The following DNMT3B variants were observed in gnomAD, a reference collection of about 807,000 sequenced individuals.
The protein encoded by DNMT3B is DNA methyltransferase 3 beta.
A neutral mutation model predicts 120.2 loss-of-function variants in DNMT3B; 37 were observed. That is an observed-to-expected ratio of 0.31 (90% CI 0.24 to 0.40). The LOEUF is 0.40. Ranked by LOEUF, DNMT3B falls within the 10% of genes least tolerant of loss-of-function variation. DNMT3B has a pLI of 1.00. For synonymous variants in DNMT3B, 412 were observed against 442.8 expected, an observed-to-expected ratio of 0.93 and a Z score of 0.87; for missense variants, 878 against 1,137.3, an observed-to-expected ratio of 0.77 and a Z score of 3.28.
At chr20:32,801,114 CCTG>C (rs773217935) in intron 18 of DNMT3B, among the ~76,000 whole-genome samples, 161 bp from the exon 19 acceptor site, 4 of 152,168 alleles carry the variant, frequency 2.6e-5, no homozygotes, top group Non-Finnish European at 5.9e-5. Flanking sequence ...TAAATAGTGC[CCTG>C]CTGCTGCCTG....
Position 32,809,247 on chromosome 20 carries a change from T to C in DNMT3B, c.*1344T>C, listed in dbSNP as rs1334779905. On this transcript the variant is annotated 3_prime_UTR_variant, in exon 23 of 23. Transcript: ENST00000328111. The stretch of plus-strand genomic sequence containing the variant: ...GTAACTGGAGCCACGACGTAACAAA[T>C]ATGGGGAAAAAACTGTGCCTTGTTT... The C allele has an allele frequency of 4.6e-6, 1 of 219,310 alleles. No individual in the cohort carries two copies. Among genetic ancestry groups the C allele is most frequent in the East Asian group, 6.8e-5 (1 of 14,812 alleles). The allele number at this position is 219,310 out of a possible 1,614,324, so 13.6% of individuals were successfully genotyped here. A position where few individuals can be genotyped will look rare whatever the true frequency, so the allele number is the denominator to read the frequency against.
chr20:32,781,815 C>G (rs1168927451), intron 3 of DNMT3B, among the ~76,000 whole-genome samples: 1 of 152,202 alleles, frequency 6.6e-6, no homozygotes, highest in Non-Finnish European at 1.5e-5. Context: ...TGTCTTTGTC[C>G]AACATCTCTA....
intron 1 of DNMT3B, among the ~76,000 whole-genome samples, chr20:32,770,713 A>G (rs1035007171): frequency 6.6e-6 from 1 of 151,420 alleles, no homozygotes; most frequent in African/African-American, 2.4e-5. Context: ...CCCGGGTTCA[A>G]GTGATTCTCT....
At chr20:32,790,798 C>T (rs993157984) in intron 7 of DNMT3B, among the ~76,000 whole-genome samples, 1 of 152,122 alleles carries the variant, frequency 6.6e-6, no homozygotes, top group Non-Finnish European at 1.5e-5. Flanking sequence ...AACAGAGCAG[C>T]TGAGACTGCA....
chr20:32,765,514 G>C (rs967986572), intron 1 of DNMT3B, among the ~76,000 whole-genome samples: 3 of 148,336 alleles, frequency 2.0e-5, no homozygotes, highest in Non-Finnish European at 4.4e-5. Context: ...TCTGCCTCCC[G>C]GGTTCAAGCA....
intron 20 of DNMT3B, among the ~76,000 whole-genome samples, chr20:32,804,865 C>T (rs1004544979): frequency 3.3e-5 from 5 of 152,024 alleles, no homozygotes; most frequent in Non-Finnish European, 5.9e-5. Flanking sequence ...TTGCCATTCA[C>T]TTTTAAAGCC....
At position 32,802,379 on chromosome 20, in the gene DNMT3B, C is replaced by G. The variant is rs138483849; in HGVS notation, c.2146-6C>G. ...CTCCTAACAGTAACCTTCTTTCTCC[C>G]CACAGTGTAATCCAGTGATGATTGA... On this transcript the variant is annotated splice_polypyrimidine_tract_variant and splice_region_variant and intron_variant, in intron 19 of 22. Transcript: ENST00000328111. 1 of 1,614,112 alleles carries G rather than the reference C, an allele frequency of 6.2e-7. No individual in the cohort carries two copies. Among genetic ancestry groups the G allele is most frequent in the Non-Finnish European group, 8.5e-7 (1 of 1,179,984 alleles).
At chr20:32,801,670 A>G (rs897804348) in intron 19 of DNMT3B, among the ~76,000 whole-genome samples, 1 of 152,126 alleles carries the variant, frequency 6.6e-6, no homozygotes, top group African/African-American at 2.4e-5. Flanking sequence ...CTGGAGCCTC[A>G]AACAGCTGGG....
At position 32,799,241 on chromosome 20, in the gene DNMT3B, C is replaced by T; in HGVS notation, c.1675-3C>T. 1.9e-6 allele frequency: 3 copies of T among 1,610,840 alleles called. No individual in the cohort carries two copies. The highest frequency in any genetic ancestry group is 2.5e-6 in the Non-Finnish European group (3 of 1,178,736). On this transcript the variant is annotated splice_region_variant and splice_polypyrimidine_tract_variant and intron_variant, in intron 15 of 22. Coordinates refer to ENST00000328111, the MANE Select transcript of DNMT3B (RefSeq NM_006892.4). The stretch of plus-strand genomic sequence containing the variant: ...CACCATGACCTCCTTCCTTACCTGG[C>T]AGGAAGCCCCCAAGCTGTACCCTGC...
intron 7 of DNMT3B, among the ~76,000 whole-genome samples, chr20:32,789,970 T>C (rs1237854067): frequency 6.6e-6 from 1 of 152,188 alleles, no homozygotes; most frequent in Non-Finnish European, 1.5e-5. Context: ...CTCAGAGCCC[T>C]GAGAGAGGCT....
At chr20:32,792,359 T>TGGGA (rs1568846043) in intron 8 of DNMT3B, among the ~76,000 whole-genome samples, 1 of 152,116 alleles carries the variant, frequency 6.6e-6, no homozygotes, top group Non-Finnish European at 1.5e-5. Flanking sequence ...GCCTTTTGAG[T>TGGGA]GGGAGGTGAC....
chr20:32,798,363 C>G, intron 14 of DNMT3B, 97 bp from the exon 15 acceptor site: 2 of 1,506,784 alleles, frequency 1.3e-6, no homozygotes, highest in Non-Finnish European at 1.8e-6. Flanking sequence ...GGTAAGCTTT[C>G]AGGAGGGGGT....
chr20:32,769,822 T>A (rs1987611395), intron 1 of DNMT3B, among the ~76,000 whole-genome samples: 1 of 152,086 alleles, frequency 6.6e-6, no homozygotes, highest in Admixed American at 6.6e-5. Flanking sequence ...ATTTGGCACA[T>A]TGCAACTTCC....
chr20:32,799,457 A>G (rs947886965), intron 16 of DNMT3B, 129 bp downstream of exon 16: 5 of 1,022,082 alleles, frequency 4.9e-6, no homozygotes, highest in Non-Finnish European at 7.4e-6. Context: ...AGCCCTGAAA[A>G]AAACCCTGTC....
chr20:32,798,695 G>A (rs1442912659), intron 15 of DNMT3B, 52 bp downstream of exon 15: 1 of 1,610,594 alleles, frequency 6.2e-7, no homozygotes. Context: ...GGCACAGGGT[G>A]TTGGAAAGCT....
At chr20:32,772,771 T>A (rs1036169238) in intron 1 of DNMT3B, among the ~76,000 whole-genome samples, 2 of 152,122 alleles carry the variant, frequency 1.3e-5, no homozygotes, top group Non-Finnish European at 2.9e-5. Flanking sequence ...TAAAAGGTAA[T>A]GACATTATTT....
intron 19 of DNMT3B, among the ~76,000 whole-genome samples, chr20:32,801,635 AGT>A (rs2146054923): frequency 6.6e-6 from 1 of 152,052 alleles, no homozygotes; most frequent in Admixed American, 6.5e-5. Flanking sequence ...CCCAGGCTGA[AGT>A]ACAGTGGCAT....
intron 10 of DNMT3B, among the ~76,000 whole-genome samples, chr20:32,794,359 A>G (rs867608889): frequency 4.0e-5 from 6 of 151,274 alleles, no homozygotes; most frequent in African/African-American, 1.5e-4. Flanking sequence ...AAAAAAAAAA[A>G]AAAAAACCAA....
intron 18 of DNMT3B, 33 bp from the exon 19 acceptor site, chr20:32,801,245 T>G (rs1981303289): frequency 6.2e-7 from 1 of 1,613,988 alleles, no homozygotes; most frequent in Non-Finnish European, 8.5e-7. Flanking sequence ...AGGTTTCAAA[T>G]GAACCCTGCG....
Sources: allele counts gnomAD v4.1 joint callset (sites outside exome capture counted in the v4.1 genomes callset), GRCh38; gene constraint gnomAD v4.1.1; transcripts MANE v1.5; gene names NCBI Gene and HGNC (gene_info 2026-07-23, HGNC 2026-07-21).